The following RBFOX1 variants were observed in gnomAD, a reference collection of about 807,000 sequenced individuals.
The protein encoded by RBFOX1 is RNA binding fox-1 homolog 1, also known as RNA binding protein fox-1 homolog 1.
A neutral mutation model predicts 57.7 loss-of-function variants in RBFOX1; 8 were observed. The ratio of observed to expected loss-of-function variants is 0.14; its 90% CI spans 0.08 to 0.25. The LOEUF (loss-of-function observed/expected upper bound fraction) is 0.25. Ranked by LOEUF, RBFOX1 falls within the 10% of genes least tolerant of loss-of-function variation. The pLI is 1.00. For synonymous variants in RBFOX1, 326 were observed against 222.4 expected, an observed-to-expected ratio of 1.47 and a Z score of -4.15; for missense variants, 611 against 548.5, an observed-to-expected ratio of 1.11 and a Z score of -1.14.
rs529378141 is a variant in RBFOX1 at position 6,418,031 on chromosome 16, G to T, written c.-64+100974G>T. On this transcript the variant is annotated intron_variant, in intron 2 of 15. Coordinates refer to ENST00000550418, the MANE Select transcript of RBFOX1 (RefSeq NM_018723.4). ...AGATCAAATAAGAGACACAGGCCAA[G>T]CCTTCAAACAAGTTATACTGAACCC... 1.5e-4 allele frequency among the ~76,000 whole-genome samples: 23 copies of T among 152,290 alleles called. No individual in the cohort carries two copies. In the South Asian group the frequency reaches 4.6e-3, roughly 30 times the overall value.
At chr16:7,521,634 A>G (rs1021606529) in intron 5 of RBFOX1, among the ~76,000 whole-genome samples, 5 of 152,200 alleles carry the variant, frequency 3.3e-5, no homozygotes, top group African/African-American at 1.2e-4. Flanking sequence ...TTAGGAGAAT[A>G]TAGGATTTGT....
chr16:6,722,111 G>A (rs12709155), intron 3 of RBFOX1, among the ~76,000 whole-genome samples: 41 of 152,204 alleles, frequency 2.7e-4, no homozygotes, highest in Non-Finnish European at 5.0e-4. Context: ...GTATAAGCGC[G>A]GTTGCACAGA....
intron 4 of RBFOX1, among the ~76,000 whole-genome samples, chr16:7,235,953 T>C (rs1044157642): frequency 6.6e-6 from 1 of 152,186 alleles, no homozygotes; most frequent in African/African-American, 2.4e-5. Context: ...TCAATATTCA[T>C]TAGAAAGGGT....
At chr16:7,011,583 G>A (rs150555634) in intron 3 of RBFOX1, among the ~76,000 whole-genome samples, 32 of 152,138 alleles carry the variant, frequency 2.1e-4, no homozygotes, top group African/African-American at 6.0e-4. Context: ...GCATGATCTC[G>A]GCTCACTGCA....
intron 3 of RBFOX1, among the ~76,000 whole-genome samples, chr16:5,737,784 A>G (rs936588342): frequency 1.7e-4 from 26 of 152,180 alleles, no homozygotes; most frequent in African/African-American, 4.8e-4. Context: ...GATGACATGG[A>G]GTAATGTCTG....
At chr16:6,231,229 T>TA in intron 1 of RBFOX1, among the ~76,000 whole-genome samples, 1 of 96,322 alleles carries the variant, frequency 1.0e-5, no homozygotes, top group Non-Finnish European at 2.3e-5. Flanking sequence ...TGTGTGTGTG[T>TA]GTGTGTGTAG....
intron 1 of RBFOX1, among the ~76,000 whole-genome samples, chr16:5,461,439 C>G (rs937134464): frequency 1.6e-4 from 25 of 152,276 alleles, no homozygotes; most frequent in African/African-American, 5.5e-4. Context: ...GGGCAGGCAC[C>G]TAATTATTGT....
intron 1 of RBFOX1, among the ~76,000 whole-genome samples, chr16:5,408,390 G>A (rs762640092): frequency 3.3e-5 from 5 of 152,158 alleles, no homozygotes; most frequent in Non-Finnish European, 5.9e-5. Context: ...GGCAGGCTGG[G>A]GGCAGCATGG....
At chr16:7,283,882 G>C (rs1321080548) in intron 4 of RBFOX1, among the ~76,000 whole-genome samples, 3 of 152,136 alleles carry the variant, frequency 2.0e-5, no homozygotes, top group East Asian at 3.9e-4. Context: ...ATAACCACCA[G>C]CGTCCGCATG....
At chr16:5,896,438 G>A (rs185147807) in intron 4 of RBFOX1, among the ~76,000 whole-genome samples, 2 of 151,512 alleles carry the variant, frequency 1.3e-5, no homozygotes, top group South Asian at 2.1e-4. Context: ...ACCTCCCTGC[G>A]CTCCCCCTGT....
intron 3 of RBFOX1, among the ~76,000 whole-genome samples, chr16:6,726,938 C>T (rs1001897542): frequency 6.6e-6 from 1 of 151,916 alleles, no homozygotes; most frequent in African/African-American, 2.4e-5. Flanking sequence ...ACACAATTAA[C>T]ACTTTCTAAT....
chr16:6,374,478 T>C (rs1290000676), intron 2 of RBFOX1, among the ~76,000 whole-genome samples: 3 of 152,196 alleles, frequency 2.0e-5, no homozygotes, highest in African/African-American at 7.2e-5. Flanking sequence ...CTACTATTTT[T>C]GGCCATATAT....
chr16:6,050,091 T>C (rs1361386690), intron 1 of RBFOX1, among the ~76,000 whole-genome samples: 1 of 151,920 alleles, frequency 6.6e-6, no homozygotes, highest in Non-Finnish European at 1.5e-5. Context: ...CCTGAGTAGC[T>C]GGAACTGCAG....
chr16:6,963,516 A>C (rs966732477), intron 3 of RBFOX1, among the ~76,000 whole-genome samples: 2 of 152,130 alleles, frequency 1.3e-5, no homozygotes, highest in African/African-American at 4.8e-5. Flanking sequence ...ATTTGTTTGC[A>C]AAGGAGTGAA....
chr16:6,447,022 A>G (rs757982813), intron 2 of RBFOX1, among the ~76,000 whole-genome samples: 24 of 152,200 alleles, frequency 1.6e-4, no homozygotes, highest in Non-Finnish European at 3.2e-4. Flanking sequence ...TGTCATTTTA[A>G]TGAAATCAAG....
intron 4 of RBFOX1, among the ~76,000 whole-genome samples, chr16:7,054,128 C>T (rs1306037969): frequency 1.4e-5 from 2 of 141,926 alleles, no homozygotes; most frequent in South Asian, 2.2e-4. Flanking sequence ...TTCCTCCCTC[C>T]CTCTTTTCCT....
At chr16:6,471,278 G>A (rs867106192) in intron 2 of RBFOX1, among the ~76,000 whole-genome samples, 1 of 152,158 alleles carries the variant, frequency 6.6e-6, no homozygotes, top group African/African-American at 2.4e-5. Flanking sequence ...ATCACCTTTT[G>A]AATTCTCTGA....
chr16:6,608,924 A>G (rs1601409957), intron 2 of RBFOX1, among the ~76,000 whole-genome samples: 1 of 152,082 alleles, frequency 6.6e-6, no homozygotes, highest in African/African-American at 2.4e-5. Context: ...CCCAACTTTT[A>G]GAATCCACTC....
At chr16:6,979,528 A>G (rs1039694278) in intron 3 of RBFOX1, among the ~76,000 whole-genome samples, 3 of 152,204 alleles carry the variant, frequency 2.0e-5, no homozygotes, top group Admixed American at 1.3e-4. Context: ...TAAAATGAAT[A>G]TCTTCAATTG....
Sources: allele counts gnomAD v4.1 joint callset (sites outside exome capture counted in the v4.1 genomes callset), GRCh38; gene constraint gnomAD v4.1.1; transcripts MANE v1.5; gene names NCBI Gene and HGNC (gene_info 2026-07-23, HGNC 2026-07-21).